Variants in IPO5 observed in about 807,000 individuals in gnomAD.
IPO5 encodes the protein importin-5.
IPO5 carries 18 observed loss-of-function variants against 143.3 expected under a neutral mutation model. That is an observed-to-expected ratio of 0.13 (90% confidence interval 0.09 to 0.19). IPO5 has a LOEUF of 0.19. IPO5 is among the 10% of genes least tolerant of loss of function. IPO5 has a pLI of 1.00. For synonymous variants in IPO5, 477 were observed against 465.7 expected (o/e 1.02, Z -0.31); for missense variants, 1,013 against 1,336.9 (o/e 0.76, Z 3.78).
intron 2 of IPO5, among the ~76,000 whole-genome samples, chr13:97,957,801 C>T (rs1255017158): frequency 6.6e-6 from 1 of 152,044 alleles, no homozygotes; most frequent in Non-Finnish European, 1.5e-5. Context: ...TCTTTTTTAT[C>T]TCTGAAGATT....
chr13:98,018,445 A>AC, intron 25 of IPO5, 40 bp from the exon 26 acceptor site: 1 of 1,353,198 alleles, frequency 7.4e-7, no homozygotes, highest in Non-Finnish European at 1.1e-6. Context: ...TTCTTTGTGT[A>AC]CACCAGTATT....
In IPO5 at chr13:98,016,752, G is replaced by T; in HGVS notation, c.2517G>T (p.Leu839=). 6.7e-7 allele frequency: 1 copy of T among 1,499,612 alleles called. No homozygotes were observed. Among genetic ancestry groups the T allele is most frequent in the South Asian group, 1.2e-5 (1 of 80,762 alleles). The allele number at this position is 1,499,612 out of a possible 1,614,324, so 92.9% of individuals were successfully genotyped here. ...AGGATGATAATGATGTTTATATTCT[G>T]ACCAAAGTGTCAGATATTTTACACT... ...QDEDDNDVYI[L]TKVSDILHSI... The change falls in exon 25 of 29, where the codon CTG becomes CTT. Residue 839 remains leucine (L), a synonymous_variant. Coordinates refer to ENST00000651721, the MANE Select transcript of IPO5 (RefSeq NM_002271.6).
intron 16 of IPO5, 47 bp from the exon 17 acceptor site, chr13:98,006,083 C>A: frequency 7.7e-7 from 1 of 1,303,758 alleles, no homozygotes; most frequent in Non-Finnish European, 1.1e-6. Context: ...AATTTAAATA[C>A]TTCTTCCAGT....
intron 2 of IPO5, among the ~76,000 whole-genome samples, chr13:97,962,488 A>G (rs1482753655): frequency 6.6e-6 from 1 of 152,088 alleles, no homozygotes; most frequent in Non-Finnish European, 1.5e-5. Context: ...CATGGCTCCT[A>G]TATTAGCCAG....
intron 5 of IPO5, among the ~76,000 whole-genome samples, chr13:97,983,563 T>A (rs1594061058): frequency 2.7e-5 from 2 of 75,220 alleles, no homozygotes; most frequent in Non-Finnish European, 5.1e-5. Flanking sequence ...GTCCCCCCGA[T>A]TATAAGTTAA....
At chr13:97,956,675 G>C (rs1309442596) in intron 2 of IPO5, among the ~76,000 whole-genome samples, 1 of 152,080 alleles carries the variant, frequency 6.6e-6, no homozygotes, top group East Asian at 1.9e-4. Context: ...ATTTTCTTCT[G>C]GTTTTTAAAT....
At chr13:98,021,511 C>T (rs117282122) in intron 28 of IPO5, 64 of 391,048 alleles carry the variant, frequency 1.6e-4, no homozygotes, top group Admixed American at 2.5e-4. Context: ...TAAGATGTTA[C>T]CTGCTTAGTG....
intron 16 of IPO5, among the ~76,000 whole-genome samples, chr13:98,005,583 G>A (rs1889171477): frequency 6.6e-6 from 1 of 151,952 alleles, no homozygotes; most frequent in Non-Finnish European, 1.5e-5. Context: ...TACTAGCTGG[G>A]TCAGAGAACA....
chr13:97,978,867 T>C (rs1169644428), intron 4 of IPO5, among the ~76,000 whole-genome samples: 5 of 152,356 alleles, frequency 3.3e-5, no homozygotes, highest in South Asian at 4.1e-4. Context: ...GGGATAGTTA[T>C]CAGCATTCAG....
At chr13:97,979,290 G>T (rs1886646573) in intron 4 of IPO5, among the ~76,000 whole-genome samples, 1 of 152,100 alleles carries the variant, frequency 6.6e-6, no homozygotes, top group African/African-American at 2.4e-5. Flanking sequence ...GTTGACTAAG[G>T]TGACTTTTGT....
intron 4 of IPO5, chr13:97,977,190 C>T (rs1369358692): frequency 6.4e-6 from 1 of 155,068 alleles, no homozygotes; most frequent in African/African-American, 2.4e-5. Flanking sequence ...TCCACCCAGC[C>T]TAGCGCTGTG....
At chr13:97,969,226 G>A (rs1885624462) in intron 2 of IPO5, among the ~76,000 whole-genome samples, 1 of 120,876 alleles carries the variant, frequency 8.3e-6, no homozygotes, top group African/African-American at 3.3e-5. Flanking sequence ...CTGTCACCCA[G>A]GCTGGTGAGC....
chr13:97,969,526 G>T (rs1321550303), intron 2 of IPO5, among the ~76,000 whole-genome samples, 197 bp from the exon 3 acceptor site: 1 of 152,046 alleles, frequency 6.6e-6, no homozygotes, highest in Non-Finnish European at 1.5e-5. Context: ...TGCAACAAAT[G>T]ATTTTTAAAA....
At chr13:97,958,448 G>A (rs1487322295) in intron 2 of IPO5, among the ~76,000 whole-genome samples, 1 of 152,146 alleles carries the variant, frequency 6.6e-6, no homozygotes, top group Non-Finnish European at 1.5e-5. Context: ...CATCGGGAGA[G>A]GACTCATCAA....
chr13:98,023,785 A>T lies in IPO5; in HGVS notation c.*1963A>T, dbSNP rs534787974. ...GATAAAAGCAGAAAAGCAAAGAGGT[A>T]ATTGGAGTTGAATCAAGTTAATAGG... On this transcript the variant is annotated 3_prime_UTR_variant, in exon 29 of 29. Transcript: ENST00000651721. 1 of 152,346 alleles carries T rather than the reference A, an allele frequency of 6.6e-6. No homozygotes were observed. The highest frequency in any genetic ancestry group is 1.9e-4 in the East Asian group (1 of 5,188). 9.4% of individuals were successfully genotyped at this position (152,346 alleles called of 1,614,324 possible).
chr13:98,021,264 C>A, intron 28 of IPO5, 131 bp downstream of exon 28: 1 of 756,258 alleles, frequency 1.3e-6, no homozygotes, highest in Non-Finnish European at 2.0e-6. Context: ...CTCTTGTCTC[C>A]AAGCCTCAAA....
chr13:97,971,703 C>T (rs546919515), intron 3 of IPO5, among the ~76,000 whole-genome samples: 3 of 152,250 alleles, frequency 2.0e-5, no homozygotes, highest in Non-Finnish European at 4.4e-5. Flanking sequence ...AACCCCAGCA[C>T]TTTGGGAGGC....
intron 3 of IPO5, 88 bp from the exon 4 acceptor site, chr13:97,976,605 C>A (rs1262250226): frequency 1.1e-5 from 4 of 353,458 alleles, no homozygotes; most frequent in Non-Finnish European, 1.7e-5. Flanking sequence ...TGCCGGTCCC[C>A]GCGCTGGGCC....
chr13:97,985,293 A>G, intron 5 of IPO5, 128 bp from the exon 6 acceptor site: 1 of 695,442 alleles, frequency 1.4e-6, no homozygotes, highest in Non-Finnish European at 2.4e-6. Context: ...TAATAGACTA[A>G]TGTAATTAGA....
Sources: allele counts gnomAD v4.1 joint callset (sites outside exome capture counted in the v4.1 genomes callset), GRCh38; gene constraint gnomAD v4.1.1; transcripts MANE v1.5; gene names NCBI Gene and HGNC (gene_info 2026-07-23, HGNC 2026-07-21).